IFT122: variants seen among roughly 807,000 people sequenced by gnomAD.
IFT122 encodes the protein intraflagellar transport protein 122 homolog.
IFT122 carries 118 observed loss-of-function variants against 161.6 expected under a neutral mutation model. The ratio of observed to expected loss-of-function variants is 0.73; its 90% confidence interval spans 0.63 to 0.85. The LOEUF (loss-of-function observed/expected upper bound fraction) is 0.85, where lower values mean the gene tolerates loss of function less well. Among genes scored for constraint, IFT122 ranks in the 40% least tolerant of loss-of-function variants. The pLI is 0.00. For missense variants in IFT122, 1,381 were observed against 1,579.6 expected (o/e 0.87, Z 2.13); for synonymous variants, 550 against 602.4 (o/e 0.91, Z 1.27).
At chr3:129,510,014 G>A (rs2082629950) in intron 23 of IFT122, among the ~76,000 whole-genome samples, 1 of 152,196 alleles carries the variant, frequency 6.6e-6, no homozygotes, top group African/African-American at 2.4e-5. Flanking sequence ...GCTGCTCCAG[G>A]CAAGGCTTCA....
At chr3:129,449,733 A>G (rs1472429986) in intron 1 of IFT122, 138 bp from the exon 2 acceptor site, 3 of 711,830 alleles carry the variant, frequency 4.2e-6, no homozygotes, top group Non-Finnish European at 7.8e-6. Context: ...ATTTGCAACA[A>G]ATGCAATTCG....
intron 8 of IFT122, among the ~76,000 whole-genome samples, chr3:129,468,667 C>T (rs575161540): frequency 2.0e-5 from 3 of 152,304 alleles, no homozygotes; most frequent in Non-Finnish European, 2.9e-5. Flanking sequence ...ACTAGATTCC[C>T]AGGTAGCTTG....
At chr3:129,458,453 A>G (rs2075791929) in intron 3 of IFT122, 146 bp from the exon 4 acceptor site, 4 of 700,378 alleles carry the variant, frequency 5.7e-6, no homozygotes, top group Non-Finnish European at 7.5e-6. Context: ...TCTGACTCCA[A>G]GGTCCTGCCT....
In IFT122 at chr3:129,488,652, G is replaced by A. The variant is rs1481426100; in HGVS notation, c.1992+255G>A. ...AGCTGTGAGGATCAAATGGGAGGAT[G>A]CCTGTAAAGCCTGACCCAGGAGCAG... On this transcript the variant is annotated intron_variant, in intron 16 of 29. Coordinates refer to ENST00000348417, the MANE Select transcript of IFT122 (RefSeq NM_052989.3). Among the ~76,000 whole-genome samples the A allele has an allele frequency of 3.9e-5, 6 of 152,062 alleles. No homozygotes were observed. In the East Asian group the frequency reaches 1.2e-3, roughly 29 times the overall value.
intron 13 of IFT122, 150 bp from the exon 14 acceptor site, chr3:129,481,380 T>G: frequency 2.8e-6 from 2 of 709,980 alleles, no homozygotes; most frequent in Admixed American, 2.1e-5. Flanking sequence ...CCCCCCTCTT[T>G]CTTTTGATGA....
At chr3:129,499,849 G>C in intron 18 of IFT122, 53 bp from the exon 19 acceptor site, 1 of 1,605,728 alleles carries the variant, frequency 6.2e-7, no homozygotes, top group Non-Finnish European at 8.5e-7. Context: ...CTGATGTAAC[G>C]CTGGCACAGG....
At chr3:129,448,068 C>T (rs1464172853) in intron 1 of IFT122, among the ~76,000 whole-genome samples, 1 of 152,154 alleles carries the variant, frequency 6.6e-6, no homozygotes, top group Non-Finnish European at 1.5e-5. Context: ...TACCCAGTGT[C>T]CTCCTCCATG....
intron 4 of IFT122, among the ~76,000 whole-genome samples, chr3:129,459,117 C>G (rs962724510): frequency 2.6e-5 from 4 of 152,190 alleles, no homozygotes; most frequent in Non-Finnish European, 5.9e-5. Flanking sequence ...CCCTGCAGAT[C>G]TCAGACTCAA....
rs918884816 is a variant in IFT122 at position 129,519,285 on chromosome 3, G to A, written c.3471+99G>A. ...GCTAGCGCAGTGGTGGAGGAGGATT[G>A]GCCAGAACTTCCAGATGTGGTGGCA... On this transcript the variant is annotated intron_variant, in intron 28 of 29. Coordinates refer to ENST00000348417, the MANE Select transcript of IFT122 (RefSeq NM_052989.3). 3.4e-6 allele frequency: 4 copies of A among 1,185,272 alleles called. No homozygotes were observed. In the African/African-American group the frequency reaches 4.5e-5, roughly 13 times the overall value. 73.4% of individuals were successfully genotyped at this position (1,185,272 alleles called of 1,614,324 possible).
chr3:129,441,164 T>C (rs898518626), intron 1 of IFT122, among the ~76,000 whole-genome samples: 1 of 152,238 alleles, frequency 6.6e-6, no homozygotes, highest in African/African-American at 2.4e-5. Context: ...TTCTTACTTA[T>C]GGGATAGGTC....
intron 4 of IFT122, 82 bp downstream of exon 4, chr3:129,458,759 A>G: frequency 8.8e-7 from 1 of 1,130,726 alleles, no homozygotes; most frequent in South Asian, 1.2e-5. Flanking sequence ...AAGATGTAGG[A>G]GAAAACTTTT....
intron 14 of IFT122, among the ~76,000 whole-genome samples, chr3:129,482,569 A>G (rs569025683): frequency 9.1e-4 from 138 of 152,214 alleles, no homozygotes; most frequent in African/African-American, 3.0e-3. Flanking sequence ...GCCTCAGTCA[A>G]TTAGAAGGAG....
At chr3:129,516,307 C>CAG (rs147411001) in intron 26 of IFT122, among the ~76,000 whole-genome samples, 2 of 119,604 alleles carry the variant, frequency 1.7e-5, no homozygotes, top group Non-Finnish European at 3.2e-5. Context: ...CACACACACA[C>CAG]AGAGACTGCC....
intron 9 of IFT122, chr3:129,476,110 G>T (rs1309246277): frequency 4.8e-6 from 3 of 619,400 alleles, no homozygotes; most frequent in Non-Finnish European, 8.7e-6. Context: ...AGGAGCTGAG[G>T]TTTGGGCTGT....
At chr3:129,516,264 T>TGCGTGC in intron 26 of IFT122, among the ~76,000 whole-genome samples, 2 of 77,470 alleles carry the variant, frequency 2.6e-5, no homozygotes, top group South Asian at 9.0e-4. Flanking sequence ...AGACTGCCCC[T>TGCGTGC]ACACACACAC....
At chr3:129,441,041 A>C (rs1347127470) in intron 1 of IFT122, among the ~76,000 whole-genome samples, 1 of 152,228 alleles carries the variant, frequency 6.6e-6, no homozygotes, top group East Asian at 1.9e-4. Context: ...CTAATTGGGA[A>C]GTCTGAAAAA....
chr3:129,448,697 AT>A (rs112077688), intron 1 of IFT122, among the ~76,000 whole-genome samples: 14,442 of 145,828 alleles, frequency 0.099, 755 homozygotes, highest in South Asian at 0.14. Flanking sequence ...TTATTTATTT[AT>A]TTTTTTTTTT....
In IFT122 at chr3:129,461,078, G is replaced by T. The variant is rs918099597; in HGVS notation, c.273-150G>T. 18 of 941,930 alleles carry T rather than the reference G, an allele frequency of 1.9e-5. No homozygotes were observed. In the Admixed American group the frequency reaches 2.5e-4, roughly 13 times the overall value. The allele number at this position is 941,930 out of a possible 1,614,324, so 58.3% of individuals were successfully genotyped here. ...GAGAATTAATTCTTTAGGAGTAGGA[G>T]AATTAATTTCTGTGCTTTTTGTTGG... On this transcript the variant is annotated intron_variant, in intron 4 of 29. Coordinates refer to ENST00000348417, the MANE Select transcript of IFT122 (RefSeq NM_052989.3).
chr3:129,483,389 G>T, intron 14 of IFT122, 96 bp from the exon 15 acceptor site: 1 of 1,011,048 alleles, frequency 9.9e-7, no homozygotes. Context: ...CAATTTAGTG[G>T]GATTCAGTCT....
Sources: gnomAD v4.1 joint callset for allele counts (sites outside exome capture counted in the v4.1 genomes callset) on GRCh38, gnomAD v4.1.1 for gene constraint, MANE v1.5 for transcripts, NCBI Gene and HGNC (gene_info 2026-07-23, HGNC 2026-07-21) for gene names.